GALNTL6: variants seen among roughly 807,000 people sequenced by gnomAD.
GALNTL6 encodes polypeptide N-acetylgalactosaminyltransferase like 6, also known as polypeptide N-acetylgalactosaminyltransferase-like 6.
Under a neutral mutation model 73.7 loss-of-function variants are expected in GALNTL6, and 46 were observed. The observed-to-expected ratio is 0.62, with a 90% confidence interval of 0.49 to 0.80. The LOEUF is 0.80. GALNTL6 is among the 30% of genes least tolerant of loss of function. The probability of loss-of-function intolerance (pLI) is 0.00; values close to 1 mark genes in which losing one functional copy is unlikely to be tolerated. For synonymous variants in GALNTL6, 259 were observed against 263.7 expected, an observed-to-expected ratio of 0.98 and a Z score of 0.17; for missense variants, 604 against 755.0, an observed-to-expected ratio of 0.80 and a Z score of 2.34.
intron 2 of GALNTL6, among the ~76,000 whole-genome samples, chr4:172,025,434 C>T (rs1741537851): frequency 6.6e-6 from 1 of 151,882 alleles, no homozygotes; most frequent in Non-Finnish European, 1.5e-5. Flanking sequence ...AGGCCACTGC[C>T]TCTGTCATTA....
chr4:171,942,237 A>G (rs1738569447), intron 2 of GALNTL6, among the ~76,000 whole-genome samples: 2 of 146,464 alleles, frequency 1.4e-5, no homozygotes, highest in East Asian at 4.1e-4. Flanking sequence ...ATAAAAAATA[A>G]ATAGATAAAT....
chr4:172,588,138 C>T (rs1009378807), intron 5 of GALNTL6, among the ~76,000 whole-genome samples: 5 of 152,006 alleles, frequency 3.3e-5, no homozygotes, highest in African/African-American at 1.2e-4. Flanking sequence ...TTAAAGCTTC[C>T]CAGCACACTA....
intron 5 of GALNTL6, among the ~76,000 whole-genome samples, chr4:172,640,391 T>C (rs1739917258): frequency 6.6e-6 from 1 of 152,164 alleles, no homozygotes. Context: ...ATTCTGATGA[T>C]CTCATTTAAT....
At position 172,538,304 on chromosome 4, in the gene GALNTL6, CA is replaced by C. The variant is rs768097930; in HGVS notation, c.553+189622del. On this transcript the variant is annotated intron_variant, in intron 5 of 12. Transcript: ENST00000506823. Reference sequence around the variant, plus strand: ...TGAAACCCTGTCTATACTAAAAATACAAAAAAATTAGCCAGGCGTGGTGGCG... The same window carrying C: ...TGAAACCCTGTCTATACTAAAAATACAAAAAATTAGCCAGGCGTGGTGGCG... Among the ~76,000 whole-genome samples, 7 of 151,610 alleles carry C rather than the reference CA, an allele frequency of 4.6e-5. No individual in the cohort carries two copies. In the East Asian group the frequency reaches 9.8e-4, roughly 21 times the overall value.
intron 8 of GALNTL6, among the ~76,000 whole-genome samples, chr4:172,884,875 C>T (rs1380486085): frequency 6.6e-6 from 1 of 152,152 alleles, no homozygotes; most frequent in Non-Finnish European, 1.5e-5. Flanking sequence ...ATTGAAGAAA[C>T]TGTCCTTTTC....
chr4:172,301,245 G>T (rs1739906652), intron 3 of GALNTL6, among the ~76,000 whole-genome samples: 1 of 151,970 alleles, frequency 6.6e-6, no homozygotes, highest in Non-Finnish European at 1.5e-5. Context: ...TCTCTGCATT[G>T]GTTATTCTAG....
chr4:172,807,778 TAAA>T (rs1741050863), intron 5 of GALNTL6, among the ~76,000 whole-genome samples: 1 of 152,174 alleles, frequency 6.6e-6, no homozygotes, highest in South Asian at 2.1e-4. Context: ...TATTTTGAGC[TAAA>T]ACACTCTCGT....
intron 7 of GALNTL6, among the ~76,000 whole-genome samples, chr4:172,824,222 G>GTAA (rs1742104186): frequency 6.6e-6 from 1 of 152,152 alleles, no homozygotes; most frequent in Admixed American, 6.5e-5. Flanking sequence ...GATGAAAACT[G>GTAA]TAATCTGTGT....
At chr4:172,869,276 C>A (rs906128353) in intron 7 of GALNTL6, among the ~76,000 whole-genome samples, 2 of 152,066 alleles carry the variant, frequency 1.3e-5, no homozygotes, top group African/African-American at 2.4e-5. Flanking sequence ...ATCAAATCCA[C>A]CTAATATAAA....
rs535203321 is a variant in GALNTL6 at position 172,957,970 on chromosome 4, G to A, written c.1371+5712G>A. Among the ~76,000 whole-genome samples, 3 of 152,276 alleles carry A rather than the reference G, an allele frequency of 2.0e-5. No individual in the cohort carries two copies. The South Asian group carries it at 6.2e-4, about 32-fold the overall frequency. On this transcript the variant is annotated intron_variant, in intron 10 of 12. Transcript: ENST00000506823. ...AAGAATATGGGGAAATGGAGTGAAT[G>A]TCAGGTGGATTAGAGAGATACAGTC... is the stretch of plus-strand genomic sequence containing the variant.
chr4:172,752,157 C>G (rs981442541), intron 5 of GALNTL6, among the ~76,000 whole-genome samples: 3 of 151,552 alleles, frequency 2.0e-5, no homozygotes, highest in African/African-American at 7.3e-5. Flanking sequence ...TTTTGGTAAG[C>G]TTGTTTAATC....
intron 5 of GALNTL6, among the ~76,000 whole-genome samples, chr4:172,442,817 T>C (rs1295420815): frequency 1.3e-5 from 2 of 152,016 alleles, no homozygotes; most frequent in African/African-American, 4.8e-5. Context: ...GTTATTTCAA[T>C]TGATGGCAGG....
At chr4:172,686,712 G>A (rs1437596749) in intron 5 of GALNTL6, among the ~76,000 whole-genome samples, 1 of 152,120 alleles carries the variant, frequency 6.6e-6, no homozygotes. Context: ...ACATTGCTTT[G>A]TGCTATTCTT....
chr4:172,363,853 G>T (rs1030009008), intron 5 of GALNTL6, among the ~76,000 whole-genome samples: 6 of 151,970 alleles, frequency 3.9e-5, no homozygotes, highest in African/African-American at 1.5e-4. Flanking sequence ...TATTTCTTCG[G>T]TTCCTTTAAT....
chr4:172,340,768 A>C (rs1428208846), intron 4 of GALNTL6, among the ~76,000 whole-genome samples: 1 of 152,146 alleles, frequency 6.6e-6, no homozygotes, highest in African/African-American at 2.4e-5. Flanking sequence ...ACTCCACCTA[A>C]TTCTCCATAA....
At chr4:172,744,194 A>G (rs897681716) in intron 5 of GALNTL6, among the ~76,000 whole-genome samples, 1 of 152,120 alleles carries the variant, frequency 6.6e-6, no homozygotes, top group Non-Finnish European at 1.5e-5. Context: ...TTAACATTCC[A>G]TTTACCATCT....
intron 4 of GALNTL6, among the ~76,000 whole-genome samples, chr4:172,329,358 A>G (rs1263008766): frequency 6.6e-6 from 1 of 152,114 alleles, no homozygotes; most frequent in African/African-American, 2.4e-5. Context: ...GGATCAGGGA[A>G]CCATGTTACA....
At chr4:172,355,122 T>G (rs1578987590) in intron 5 of GALNTL6, among the ~76,000 whole-genome samples, 2 of 152,184 alleles carry the variant, frequency 1.3e-5, no homozygotes, top group Non-Finnish European at 2.9e-5. Flanking sequence ...TGGATTAGCT[T>G]TTATAATGAG....
At chr4:172,249,608 C>A (rs180708265) in intron 3 of GALNTL6, among the ~76,000 whole-genome samples, 12 of 152,216 alleles carry the variant, frequency 7.9e-5, no homozygotes, top group East Asian at 1.9e-4. Context: ...AGGCTCAGGG[C>A]CCCCCTGCTC....
Sources: gnomAD v4.1 joint callset for allele counts (sites outside exome capture counted in the v4.1 genomes callset) on GRCh38, gnomAD v4.1.1 for gene constraint, MANE v1.5 for transcripts, NCBI Gene and HGNC (gene_info 2026-07-23, HGNC 2026-07-21) for gene names.